The following ARL8B variants were observed in gnomAD, a reference collection of about 807,000 sequenced individuals.
ARL8B encodes the protein ADP-ribosylation factor-like protein 8B.
In ARL8B, 9 loss-of-function variants were observed where a neutral mutation model predicts 30.6. That is an observed-to-expected ratio of 0.29 (90% CI 0.18 to 0.51). The LOEUF (loss-of-function observed/expected upper bound fraction) is 0.51, where lower values mean the gene tolerates loss of function less well. ARL8B is among the 20% of genes least tolerant of loss of function. The pLI is 0.97. For synonymous variants in ARL8B, 74 were observed against 76.0 expected (o/e 0.97, Z 0.14); for missense variants, 130 against 227.2 (o/e 0.57, Z 2.75).
intron 1 of ARL8B, among the ~76,000 whole-genome samples, chr3:5,146,784 T>C (rs1050976560): frequency 5.3e-5 from 8 of 152,214 alleles, no homozygotes; most frequent in African/African-American, 1.9e-4. Flanking sequence ...TTCTTGAATA[T>C]TGGAACCTGA....
chr3:5,130,932 T>C (rs1032645046), intron 1 of ARL8B, among the ~76,000 whole-genome samples: 2 of 152,128 alleles, frequency 1.3e-5, no homozygotes, highest in Non-Finnish European at 2.9e-5. Flanking sequence ...CTCTTTTCTT[T>C]TTTTTCTTTT....
chr3:5,148,097 A>G (rs2106561088), intron 1 of ARL8B, among the ~76,000 whole-genome samples: 1 of 151,888 alleles, frequency 6.6e-6, no homozygotes, highest in Non-Finnish European at 1.5e-5. Context: ...CTGCTCTCTT[A>G]ATCATTCCCC....
At chr3:5,162,175 A>G (rs1169244867) in intron 1 of ARL8B, among the ~76,000 whole-genome samples, 1 of 152,234 alleles carries the variant, frequency 6.6e-6, no homozygotes, top group Non-Finnish European at 1.5e-5. Flanking sequence ...GCCTTAGAAT[A>G]ACTAGAGCCA....
chr3:5,125,531 A>T (rs2054222774), intron 1 of ARL8B, among the ~76,000 whole-genome samples: 1 of 134,748 alleles, frequency 7.4e-6, no homozygotes, highest in Non-Finnish European at 1.5e-5. Context: ...TGGCTCCACC[A>T]TTATCTTTTT....
rs1559282178 is a variant in ARL8B at position 5,155,890 on chromosome 3, T to TG, written c.124-14613_124-14612insG. 2.3e-4 allele frequency among the ~76,000 whole-genome samples: 34 copies of TG among 147,674 alleles called. No individual in the cohort carries two copies. The East Asian group carries it at 2.7e-3, about 12-fold the overall frequency. ...TCTTTGAGTACCTTTAAGATAATTT[T>TG]TGTGTGTGTGTGTGTGTTGTTTTTG... On this transcript the variant is annotated intron_variant, in intron 1 of 6. Transcript: ENST00000256496.
chr3:5,175,946 C>T (rs1180222714), intron 6 of ARL8B, among the ~76,000 whole-genome samples: 1 of 152,174 alleles, frequency 6.6e-6, no homozygotes, highest in Non-Finnish European at 1.5e-5. Context: ...ACCCTATTTC[C>T]AGTAAAAGTC....
At position 5,162,987 on chromosome 3, in the gene ARL8B, C is replaced by CT. The variant is rs58230539; in HGVS notation, c.124-7498dup. Reference sequence around the variant, plus strand: ...GTGTGTACTCAGTGTTTAGCTCCCACTTTTTTTTTTTTTTTTTTGAGACGG... The same window carrying CT: ...GTGTGTACTCAGTGTTTAGCTCCCACTTTTTTTTTTTTTTTTTTTGAGACGG... On this transcript the variant is annotated intron_variant, in intron 1 of 6. Transcript: ENST00000256496. 2.2e-3 allele frequency among the ~76,000 whole-genome samples: 281 copies of CT among 125,806 alleles called. 5 individuals are homozygous for CT. Among genetic ancestry groups the CT allele is most frequent in the East Asian group, 1.0e-2 (45 of 4,514 alleles). The allele number at this position is 125,806 out of a possible 152,430, so 82.5% of individuals were successfully genotyped here.
intron 1 of ARL8B, among the ~76,000 whole-genome samples, chr3:5,131,212 T>A (rs982905055): frequency 6.6e-6 from 1 of 152,132 alleles, no homozygotes; most frequent in South Asian, 2.1e-4. Context: ...GCCACCATTT[T>A]CTTGAAAGCT....
intron 1 of ARL8B, among the ~76,000 whole-genome samples, chr3:5,159,014 T>C (rs925288291): frequency 6.6e-6 from 1 of 151,994 alleles, no homozygotes; most frequent in East Asian, 1.9e-4. Flanking sequence ...ACCCCAGCAC[T>C]TTGGGAGGCC....
At position 5,180,244 on chromosome 3, in the gene ARL8B, C is replaced by T. The variant is rs2054766630; in HGVS notation, c.*1531C>T. Reference sequence around the variant, plus strand: ...CTGTACAATATACTGCACTGTGTTGCACAGACACTACTTGCTTTTCTCCAT... The same window carrying T: ...CTGTACAATATACTGCACTGTGTTGTACAGACACTACTTGCTTTTCTCCAT... On this transcript the variant is annotated 3_prime_UTR_variant, in exon 7 of 7. Coordinates refer to ENST00000256496, the MANE Select transcript of ARL8B (RefSeq NM_018184.3). 6.6e-6 allele frequency: 1 copy of T among 152,654 alleles called. No individual in the cohort carries two copies. Among genetic ancestry groups the T allele is most frequent in the African/African-American group, 2.4e-5 (1 of 41,468 alleles). 9.5% of individuals were successfully genotyped at this position (152,654 alleles called of 1,614,324 possible).
intron 2 of ARL8B, 43 bp downstream of exon 2, chr3:5,170,626 G>C: frequency 6.9e-7 from 1 of 1,444,446 alleles, no homozygotes; most frequent in Non-Finnish European, 9.6e-7. Context: ...TGTTAGCACA[G>C]ACCCCTAGAA....
intron 1 of ARL8B, among the ~76,000 whole-genome samples, chr3:5,163,635 C>T (rs146699627): frequency 0.023 from 3,444 of 152,214 alleles, 57 homozygotes; most frequent in Admixed American, 0.061. Flanking sequence ...TTGGGGAGGC[C>T]GAGGTGGGTG....
At chr3:5,168,027 A>C (rs1348420866) in intron 1 of ARL8B, among the ~76,000 whole-genome samples, 2 of 152,348 alleles carry the variant, frequency 1.3e-5, no homozygotes, top group African/African-American at 4.8e-5. Context: ...CTTTATTGGC[A>C]GAAGAGTTCC....
chr3:5,124,621 C>T (rs1280304439), intron 1 of ARL8B, among the ~76,000 whole-genome samples: 1 of 152,014 alleles, frequency 6.6e-6, no homozygotes, highest in African/African-American at 2.4e-5. Context: ...CATGTGCTAC[C>T]ACCATGGCTC....
Position 5,122,293 on chromosome 3 carries a change from T to C in ARL8B, c.-173T>C, listed in dbSNP as rs997568166. Reference sequence around the variant, plus strand: ...CGGGCGTGGGGGGTAGGGCGAGTCATATGATCCGCTCGGCTTCCTGGGTCT... The same window carrying C: ...CGGGCGTGGGGGGTAGGGCGAGTCACATGATCCGCTCGGCTTCCTGGGTCT... On this transcript the variant is annotated 5_prime_UTR_variant, in exon 1 of 7. Transcript: ENST00000256496. 4.7e-6 allele frequency: 7 copies of C among 1,496,678 alleles called. No homozygotes were observed. The African/African-American group carries it at 7.0e-5, about 15-fold the overall frequency. The allele number at this position is 1,496,678 out of a possible 1,614,324, so 92.7% of individuals were successfully genotyped here.
chr3:5,154,397 C>T lies in ARL8B; in HGVS notation c.124-16106C>T, dbSNP rs140048318. On this transcript the variant is annotated intron_variant, in intron 1 of 6. Transcript: ENST00000256496. ...TGCCCGAGGGTGGAGTGCACTGGTA[C>T]GATCTTGGCTCAGTGCAACCTCTGC... Among the ~76,000 whole-genome samples the T allele has an allele frequency of 6.0e-4, 90 of 150,880 alleles. 2 individuals carry two copies. In the East Asian group the frequency reaches 0.015, roughly 26 times the overall value.
intron 1 of ARL8B, among the ~76,000 whole-genome samples, chr3:5,139,435 A>G (rs1426625592): frequency 6.6e-6 from 1 of 152,194 alleles, no homozygotes; most frequent in Non-Finnish European, 1.5e-5. Context: ...TTCCAGGTAG[A>G]AAAGAGCTGA....
At chr3:5,137,238 A>G (rs2054335043) in intron 1 of ARL8B, among the ~76,000 whole-genome samples, 1 of 151,984 alleles carries the variant, frequency 6.6e-6, no homozygotes, top group Admixed American at 6.6e-5. Flanking sequence ...GCATAGAATG[A>G]GTACTCCTTA....
chr3:5,136,818 T>C (rs1029752615), intron 1 of ARL8B, among the ~76,000 whole-genome samples: 8 of 152,182 alleles, frequency 5.3e-5, no homozygotes, highest in African/African-American at 1.7e-4. Flanking sequence ...TGCTTGTTTT[T>C]GTCCGCTGGT....
Sources: gnomAD v4.1 joint callset for allele counts (sites outside exome capture counted in the v4.1 genomes callset) on GRCh38, gnomAD v4.1.1 for gene constraint, MANE v1.5 for transcripts, NCBI Gene and HGNC (gene_info 2026-07-23, HGNC 2026-07-21) for gene names.